Variants in ARHGAP10 observed in about 807,000 individuals in gnomAD.
ARHGAP10 encodes Rho GTPase activating protein 10, also known as rho GTPase-activating protein 10.
Under a neutral mutation model 108.6 loss-of-function variants are expected in ARHGAP10, and 87 were observed. That is an observed-to-expected ratio of 0.80 (90% confidence interval 0.67 to 0.96). The LOEUF is 0.96. Ranked by LOEUF, ARHGAP10 falls within the 40% of genes least tolerant of loss-of-function variation. ARHGAP10 has a pLI of 0.00. For synonymous variants in ARHGAP10, 347 were observed against 341.1 expected, an observed-to-expected ratio of 1.02 and a Z score of -0.19; for missense variants, 939 against 954.5, an observed-to-expected ratio of 0.98 and a Z score of 0.21.
chr4:148,038,117 C>T (rs1728462514), intron 19 of ARHGAP10, among the ~76,000 whole-genome samples: 1 of 152,066 alleles, frequency 6.6e-6, no homozygotes, highest in Admixed American at 6.6e-5. Context: ...TACTTTTTGA[C>T]ATGGTATAGC....
At chr4:148,062,927 GA>G (rs1374119783) in intron 20 of ARHGAP10, among the ~76,000 whole-genome samples, 1 of 152,114 alleles carries the variant, frequency 6.6e-6, no homozygotes, top group African/African-American at 2.4e-5. Context: ...CCTGGAGAAG[GA>G]CAGTAAGACA....
intron 18 of ARHGAP10, among the ~76,000 whole-genome samples, chr4:148,022,791 A>G (rs1741616898): frequency 6.6e-6 from 1 of 152,270 alleles, no homozygotes; most frequent in Admixed American, 6.5e-5. Flanking sequence ...TAATTTCATA[A>G]GCATAGGCTA....
At chr4:147,826,428 C>T (rs1732709593) in intron 3 of ARHGAP10, among the ~76,000 whole-genome samples, 1 of 152,080 alleles carries the variant, frequency 6.6e-6, no homozygotes, top group South Asian at 2.1e-4. Flanking sequence ...GGCCATGAAC[C>T]TTAGGAGTGG....
Position 147,747,964 on chromosome 4 carries a change from A to G in ARHGAP10, c.154+15509A>G, listed in dbSNP as rs563089805. Among the ~76,000 whole-genome samples the G allele has an allele frequency of 3.3e-5, 5 of 152,176 alleles. No homozygotes were observed. In the South Asian group the frequency reaches 8.3e-4, roughly 25 times the overall value. ...TTGGTTGTTACTTTAGGGAGATGCT[A>G]TGGTTTCTAGCGGGCAGAGGCCAGT... On this transcript the variant is annotated intron_variant, in intron 1 of 22. Coordinates refer to ENST00000336498, the MANE Select transcript of ARHGAP10 (RefSeq NM_024605.4).
At chr4:147,835,994 C>T (rs1265056823) in intron 3 of ARHGAP10, among the ~76,000 whole-genome samples, 1 of 152,206 alleles carries the variant, frequency 6.6e-6, no homozygotes, top group East Asian at 1.9e-4. Flanking sequence ...TCCTTAAATA[C>T]TCAGTAGCTT....
intron 20 of ARHGAP10, among the ~76,000 whole-genome samples, chr4:148,048,270 T>C (rs544120539): frequency 6.6e-6 from 1 of 152,356 alleles, no homozygotes; most frequent in East Asian, 1.9e-4. Flanking sequence ...TTTTTATAGT[T>C]ACTGCTGGAT....
At chr4:147,922,783 A>G (rs953867562) in intron 13 of ARHGAP10, among the ~76,000 whole-genome samples, 4 of 152,114 alleles carry the variant, frequency 2.6e-5, no homozygotes, top group Admixed American at 2.6e-4. Context: ...GATATTCATT[A>G]AATGCCTATC....
intron 10 of ARHGAP10, among the ~76,000 whole-genome samples, chr4:147,884,024 A>G (rs1735442810): frequency 6.6e-6 from 1 of 152,148 alleles, no homozygotes; most frequent in Non-Finnish European, 1.5e-5. Context: ...ACTGTGCCAT[A>G]AGTCTCTGCA....
At chr4:147,866,519 C>A (rs976289895) in intron 6 of ARHGAP10, 193 bp from the exon 7 acceptor site, 12 of 504,104 alleles carry the variant, frequency 2.4e-5, no homozygotes, top group Non-Finnish European at 3.5e-5. Flanking sequence ...GGGAAAAAAG[C>A]ATCATTTTCT....
chr4:148,051,595 GCACCCTGAGATGCATCT>G (rs1179750435), intron 20 of ARHGAP10, among the ~76,000 whole-genome samples: 1 of 152,168 alleles, frequency 6.6e-6, no homozygotes. Flanking sequence ...GGGGGTGCCG[GCACCCTGAGATGCATCT>G]CACTGTGTGC....
chr4:148,061,015 T>A (rs1269389651), intron 20 of ARHGAP10, among the ~76,000 whole-genome samples: 2 of 152,030 alleles, frequency 1.3e-5, no homozygotes, highest in African/African-American at 2.4e-5. Flanking sequence ...TTACAGTGGT[T>A]CTTTCACTTT....
chr4:147,940,550 C>T (rs928238214), intron 14 of ARHGAP10, among the ~76,000 whole-genome samples: 2 of 152,178 alleles, frequency 1.3e-5, no homozygotes, highest in Non-Finnish European at 2.9e-5. Flanking sequence ...TCTCCCCCAC[C>T]CCAAAACAGG....
At chr4:148,042,304 G>A (rs757868840) in intron 19 of ARHGAP10, among the ~76,000 whole-genome samples, 6 of 152,088 alleles carry the variant, frequency 3.9e-5, no homozygotes, top group Non-Finnish European at 7.4e-5. Flanking sequence ...TCTCCAGATC[G>A]TATCACTTCC....
intron 1 of ARHGAP10, among the ~76,000 whole-genome samples, chr4:147,749,739 CAGTA>C (rs1453120665): frequency 2.0e-5 from 3 of 152,154 alleles, no homozygotes; most frequent in Non-Finnish European, 4.4e-5. Context: ...AAGGATTTGA[CAGTA>C]GGTAGCTATT....
At chr4:148,054,066 T>C (rs1259365957) in intron 20 of ARHGAP10, among the ~76,000 whole-genome samples, 2 of 152,260 alleles carry the variant, frequency 1.3e-5, no homozygotes, top group Admixed American at 1.3e-4. Flanking sequence ...TGGTTTTTAG[T>C]TTAACTGGTT....
intron 19 of ARHGAP10, among the ~76,000 whole-genome samples, chr4:148,036,115 C>T (rs1292972354): frequency 6.9e-6 from 1 of 145,308 alleles, no homozygotes; most frequent in African/African-American, 2.6e-5. Context: ...TATACTTTTC[C>T]AGTTAAGGAA....
chr4:147,979,942 C>A (rs1194307238), intron 18 of ARHGAP10, among the ~76,000 whole-genome samples: 1 of 152,120 alleles, frequency 6.6e-6, no homozygotes, highest in Non-Finnish European at 1.5e-5. Context: ...CTTTTGGCAG[C>A]ATCTTTAGGG....
chr4:147,909,184 A>G (rs1736630769), intron 11 of ARHGAP10, among the ~76,000 whole-genome samples: 1 of 152,212 alleles, frequency 6.6e-6, no homozygotes, highest in Admixed American at 6.5e-5. Context: ...GTACATTATA[A>G]AAGTTACAAC....
At chr4:147,945,781 G>A (rs1471352758) in intron 14 of ARHGAP10, among the ~76,000 whole-genome samples, 2 of 152,108 alleles carry the variant, frequency 1.3e-5, no homozygotes, top group Admixed American at 6.5e-5. Flanking sequence ...AGCTAAATCC[G>A]TGTTTTTGTG....
Sources: gnomAD v4.1 joint callset for allele counts (sites outside exome capture counted in the v4.1 genomes callset) on GRCh38, gnomAD v4.1.1 for gene constraint, MANE v1.5 for transcripts, NCBI Gene and HGNC (gene_info 2026-07-23, HGNC 2026-07-21) for gene names.